Variants in ST3GAL1 observed in about 807,000 individuals in gnomAD.
The protein encoded by ST3GAL1 is CMP-N-acetylneuraminate-beta-galactosamide-alpha-2,3-sialyltransferase 1.
ST3GAL1 carries 16 observed loss-of-function variants against 34.1 expected under a neutral mutation model. That is an observed-to-expected ratio of 0.47 (90% confidence interval 0.32 to 0.71). ST3GAL1 has a LOEUF of 0.71. Among genes scored for constraint, ST3GAL1 ranks in the 30% least tolerant of loss-of-function variants. The pLI is 0.04. For synonymous variants in ST3GAL1, 191 were observed against 184.7 expected, an observed-to-expected ratio of 1.03 and a Z score of -0.28; for missense variants, 353 against 447.4, an observed-to-expected ratio of 0.79 and a Z score of 1.90.
intron 7 of ST3GAL1, among the ~76,000 whole-genome samples, 184 bp from the exon 8 acceptor site, chr8:133,463,643 T>TAGAC (rs1374363614): frequency 8.5e-5 from 13 of 152,072 alleles, no homozygotes; most frequent in African/African-American, 3.1e-4. Context: ...CAAGCCCCAA[T>TAGAC]AGACACCAGA....
At chr8:133,522,372 C>T (rs1264491262) in intron 2 of ST3GAL1, among the ~76,000 whole-genome samples, 1 of 152,106 alleles carries the variant, frequency 6.6e-6, no homozygotes. Flanking sequence ...CAGAAGGTTC[C>T]CTGCTTTAAT....
intron 2 of ST3GAL1, among the ~76,000 whole-genome samples, chr8:133,520,883 T>C (rs1188171557): frequency 6.6e-6 from 1 of 151,402 alleles, no homozygotes; most frequent in Admixed American, 6.6e-5. Flanking sequence ...GCAATTCTTG[T>C]GCCTCAGCCT....
chr8:133,561,961 G>T (rs1004570032), intron 1 of ST3GAL1, among the ~76,000 whole-genome samples: 3 of 151,972 alleles, frequency 2.0e-5, no homozygotes, highest in Non-Finnish European at 4.4e-5. Context: ...CCACAATGGC[G>T]TATACCTGTA....
chr8:133,545,742 C>T (rs1818656441), intron 2 of ST3GAL1, 32 bp downstream of exon 2: 1 of 152,208 alleles, frequency 6.6e-6, no homozygotes. Flanking sequence ...CAGCACATCT[C>T]ACTTGTGCTG....
rs751723388 is a variant in ST3GAL1, at chr8:133,489,383, C to T, written c.-374+9752G>A. On this transcript the variant is annotated intron_variant, in intron 3 of 9. Coordinates refer to ENST00000522652, the MANE Select transcript of ST3GAL1 (RefSeq NM_173344.3). ...GAAAGCCATGCCTCCCGCCCCTCCC[C>T]GGACACCCCTCTGAGGCGCTGGCCA... Among the ~76,000 whole-genome samples, 8 of 152,198 alleles carry T rather than the reference C, an allele frequency of 5.3e-5. No individual in the cohort carries two copies. In the East Asian group the frequency reaches 7.8e-4, roughly 15 times the overall value.
At chr8:133,562,609 G>A (rs560298070) in intron 1 of ST3GAL1, among the ~76,000 whole-genome samples, 22 of 152,218 alleles carry the variant, frequency 1.4e-4, no homozygotes, top group South Asian at 8.3e-4. Flanking sequence ...TGTGAATGTC[G>A]CTGGGTTGTT....
Position 133,529,489 on chromosome 8 carries a change from T to C in ST3GAL1, c.-429+16285A>G, listed in dbSNP as rs116450504. On this transcript the variant is annotated intron_variant, in intron 2 of 9. Transcript: ENST00000522652. ...GAGGCAGACAGGCAGACAGATGAAC[T>C]CCCACCTGAAGGTGAGGACGCCAGG... Among the ~76,000 whole-genome samples, 1,136 of 152,140 alleles carry C rather than the reference T, an allele frequency of 7.5e-3. 10 individuals are homozygous for C. The highest frequency in any genetic ancestry group is 0.026 in the African/African-American group (1,087 of 41,502).
chr8:133,539,017 T>C (rs942790559), intron 2 of ST3GAL1, among the ~76,000 whole-genome samples: 2 of 152,106 alleles, frequency 1.3e-5, no homozygotes, highest in African/African-American at 4.8e-5. Context: ...GTGAAATCTA[T>C]GTGTGTGGGG....
intron 2 of ST3GAL1, among the ~76,000 whole-genome samples, chr8:133,514,166 C>T (rs977969605): frequency 2.6e-5 from 4 of 152,206 alleles, no homozygotes; most frequent in African/African-American, 9.7e-5. Context: ...AGTAGTTTTA[C>T]TTCACTAATA....
At position 133,464,764 on chromosome 8, in the gene ST3GAL1, C is replaced by G. The variant is rs777961038; in HGVS notation, c.683+14G>C. On this transcript the variant is annotated intron_variant, in intron 7 of 9. Coordinates refer to ENST00000522652, the MANE Select transcript of ST3GAL1 (RefSeq NM_173344.3). ...GGGGCAGAGCAGCGAGGCGGGGCCA[C>G]AGGAGGGACTCACTGGGAAATGGTG... is the stretch of plus-strand genomic sequence containing the variant. 6.2e-7 allele frequency: 1 copy of G among 1,607,446 alleles called. No individual in the cohort carries two copies. Among genetic ancestry groups the G allele is most frequent in the Non-Finnish European group, 8.5e-7 (1 of 1,175,804 alleles).
In ST3GAL1 at chr8:133,542,779, C is replaced by CAA. The variant is rs35321251; in HGVS notation, c.-429+2993_-429+2994dup. On this transcript the variant is annotated intron_variant, in intron 2 of 9. Coordinates refer to ENST00000522652, the MANE Select transcript of ST3GAL1 (RefSeq NM_173344.3). ...CTGGGTGAAAGTAACTCCTCCATCT[C>CAA]AAAAAAAAAAAAAAAAAAAAAAGAT... Among the ~76,000 whole-genome samples the CAA allele has an allele frequency of 4.6e-3, 389 of 85,162 alleles. 3 individuals are homozygous for CAA. The highest frequency in any genetic ancestry group is 0.013 in the African/African-American group (287 of 21,844). The allele number at this position is 85,162 out of a possible 152,430, so 55.9% of individuals were successfully genotyped here. A position where few individuals can be genotyped will look rare whatever the true frequency, so the allele number is the denominator to read the frequency against.
intron 2 of ST3GAL1, among the ~76,000 whole-genome samples, chr8:133,507,192 G>A (rs940022872): frequency 5.3e-5 from 8 of 152,166 alleles, no homozygotes; most frequent in Admixed American, 2.6e-4. Context: ...AGAAATGAGT[G>A]TGCTACCATG....
intron 2 of ST3GAL1, among the ~76,000 whole-genome samples, chr8:133,499,777 C>T (rs997780582): frequency 2.6e-5 from 4 of 152,138 alleles, no homozygotes; most frequent in African/African-American, 7.2e-5. Context: ...AGCAGCTCGG[C>T]GTACTAAGGG....
At chr8:133,553,903 G>C (rs539868655) in intron 1 of ST3GAL1, among the ~76,000 whole-genome samples, 1 of 152,272 alleles carries the variant, frequency 6.6e-6, no homozygotes, top group South Asian at 2.1e-4. Context: ...CACAGTGAGG[G>C]TCCAGAAGGA....
chr8:133,515,256 C>T (rs889361562), intron 2 of ST3GAL1, among the ~76,000 whole-genome samples: 3 of 152,238 alleles, frequency 2.0e-5, no homozygotes, highest in Admixed American at 1.3e-4. Flanking sequence ...GACTTCAGCC[C>T]CCTTCTGCTT....
At chr8:133,529,143 A>T (rs1376112952) in intron 2 of ST3GAL1, among the ~76,000 whole-genome samples, 1 of 152,140 alleles carries the variant, frequency 6.6e-6, no homozygotes, top group Non-Finnish European at 1.5e-5. Flanking sequence ...TCGCGGGCCA[A>T]CCCCTGTGGT....
chr8:133,555,975 C>T (rs546570321), intron 1 of ST3GAL1, among the ~76,000 whole-genome samples: 1 of 152,272 alleles, frequency 6.6e-6, no homozygotes, highest in African/African-American at 2.4e-5. Flanking sequence ...CTCACTGCAA[C>T]CTCCGCCTCC....
At position 133,556,860 on chromosome 8, in the gene ST3GAL1, A is replaced by G. The variant is rs1280705865; in HGVS notation, c.-581-10934T>C. 6.6e-6 allele frequency among the ~76,000 whole-genome samples: 1 copy of G among 152,156 alleles called. No individual in the cohort carries two copies. Among genetic ancestry groups the G allele is most frequent in the African/African-American group, 2.4e-5 (1 of 41,428 alleles). ...TTTTGGCCTCTTAGATGATAAAACT[A>G]AGTGGAGGGAAGTGGGAGGGAGGTT... is the stretch of plus-strand genomic sequence containing the variant. On this transcript the variant is annotated intron_variant, in intron 1 of 9. Coordinates refer to ENST00000522652, the MANE Select transcript of ST3GAL1 (RefSeq NM_173344.3). This position sits in a 1 kb window ranked among gnomAD's most constrained non-coding sequence, Gnocchi z 8.9.
In ST3GAL1 at chr8:133,477,747, G is replaced by A. The variant is rs139735354; in HGVS notation, c.-373-1147C>T. On this transcript the variant is annotated intron_variant, in intron 3 of 9. Transcript: ENST00000522652. Reference sequence around the variant, plus strand: ...CTGTATGGTACAACTGTGGTTGCACGTCTGCCCTGGAGCGTGGTCTTTTTG... The same window carrying A: ...CTGTATGGTACAACTGTGGTTGCACATCTGCCCTGGAGCGTGGTCTTTTTG... Among the ~76,000 whole-genome samples, 10 of 152,160 alleles carry A rather than the reference G, an allele frequency of 6.6e-5. No individual in the cohort carries two copies. In the South Asian group the frequency reaches 8.3e-4, roughly 13 times the overall value.
Sources: gnomAD v4.1 joint callset for allele counts (sites outside exome capture counted in the v4.1 genomes callset) on GRCh38, gnomAD v4.1.1 for gene constraint, Gnocchi (gnomAD v3.1) non-coding constraint, MANE v1.5 for transcripts, NCBI Gene and HGNC (gene_info 2026-07-23, HGNC 2026-07-21) for gene names.